The following GTF3C1 variants were observed in gnomAD, a reference collection of about 807,000 sequenced individuals.
GTF3C1 encodes general transcription factor 3C polypeptide 1.
GTF3C1 carries 57 observed loss-of-function variants against 226.7 expected under a neutral mutation model. The observed-to-expected ratio is 0.25, with a 90% CI of 0.20 to 0.31. GTF3C1 has a LOEUF of 0.31. Among genes scored for constraint, GTF3C1 ranks in the 10% least tolerant of loss-of-function variants. The pLI is 1.00. For synonymous variants in GTF3C1, 1,090 were observed against 1,084.8 expected (o/e 1.00, Z -0.09); for missense variants, 2,217 against 2,776.1 (o/e 0.80, Z 4.53).
intron 1 of GTF3C1, among the ~76,000 whole-genome samples, chr16:27,546,486 G>A (rs200506558): frequency 0.039 from 4,323 of 111,104 alleles, 69 homozygotes; most frequent in Non-Finnish European, 0.054. Context: ...TTTTTTTTTT[G>A]AAAAAAAAAA....
At chr16:27,484,422 A>T (rs2088103852) in intron 24 of GTF3C1, 69 bp from the exon 25 acceptor site, 1 of 1,105,926 alleles carries the variant, frequency 9.0e-7, no homozygotes. Context: ...GAATTACCAT[A>T]AAAAAGTGGA....
At chr16:27,496,706 C>A (rs1463425343) in intron 14 of GTF3C1, among the ~76,000 whole-genome samples, 1 of 152,182 alleles carries the variant, frequency 6.6e-6, no homozygotes, top group Non-Finnish European at 1.5e-5. Flanking sequence ...ACCCAGCCAT[C>A]TCAGTTCTTT....
intron 29 of GTF3C1, among the ~76,000 whole-genome samples, chr16:27,475,633 T>C (rs1212519942): frequency 6.6e-6 from 1 of 151,968 alleles, no homozygotes; most frequent in East Asian, 1.9e-4. Context: ...TGTATAAGAG[T>C]AGTAAGACCA....
rs60057704 is a variant in GTF3C1 at position 27,469,198 on chromosome 16, G to C, written c.5074+93C>G. On this transcript the variant is annotated intron_variant, in intron 32 of 36. Coordinates refer to ENST00000356183, the MANE Select transcript of GTF3C1 (RefSeq NM_001520.4). The surrounding 1 kb of genome is among the most constrained non-coding windows in gnomAD (Gnocchi z 4.5). ...TCTGTGGCTGCACGCCTGGCCTGGG[G>C]AGCCTGAAGGTCTAGGTCCCAGGCC... 5.4e-6 allele frequency: 7 copies of C among 1,286,644 alleles called. No homozygotes were observed. In the Admixed American group the frequency reaches 1.9e-4, roughly 35 times the overall value. The allele number at this position is 1,286,644 out of a possible 1,614,324, so 79.7% of individuals were successfully genotyped here.
chr16:27,517,776 C>T (rs1003902722), intron 6 of GTF3C1, among the ~76,000 whole-genome samples: 1 of 152,224 alleles, frequency 6.6e-6, no homozygotes, highest in Admixed American at 6.5e-5. Flanking sequence ...AGTGATTTTA[C>T]TTACTCATCA....
At position 27,488,421 on chromosome 16, in the gene GTF3C1, CAT is replaced by C; in HGVS notation, c.3512-8_3512-7del. 2.5e-6 allele frequency: 4 copies of C among 1,605,522 alleles called. No individual in the cohort carries two copies. Among genetic ancestry groups the C allele is most frequent in the Non-Finnish European group, 3.4e-6 (4 of 1,172,338 alleles). On this transcript the variant is annotated splice_region_variant and splice_polypyrimidine_tract_variant and intron_variant, in intron 22 of 36. Coordinates refer to ENST00000356183, the MANE Select transcript of GTF3C1 (RefSeq NM_001520.4). The stretch of plus-strand genomic sequence containing the variant: ...AATATTCAACCTGCTGTTGCCTAGA[CAT>C]AATCACAGGAGACAACAGTTTCAGG...
At chr16:27,547,992 C>A (rs1224034444) in intron 1 of GTF3C1, among the ~76,000 whole-genome samples, 1 of 152,130 alleles carries the variant, frequency 6.6e-6, no homozygotes, top group Non-Finnish European at 1.5e-5. Context: ...AGTCTGGGTT[C>A]TTCCCTTGCT....
Position 27,547,562 on chromosome 16 carries a change from T to C in GTF3C1, c.222-2039A>G, listed in dbSNP as rs75869775. ...GTGCTCTTCATCCCCACGCCCACCATGGTAAGCCAGACCATGACTAGATTA... is the reference window on the plus strand; with the variant it reads ...GTGCTCTTCATCCCCACGCCCACCACGGTAAGCCAGACCATGACTAGATTA... On this transcript the variant is annotated intron_variant, in intron 1 of 36. Coordinates refer to ENST00000356183, the MANE Select transcript of GTF3C1 (RefSeq NM_001520.4). Among the ~76,000 whole-genome samples, 59 of 152,246 alleles carry C rather than the reference T, an allele frequency of 3.9e-4. 3 individuals are homozygous for C. The East Asian group carries it at 0.01, about 27-fold the overall frequency.
At position 27,470,367 on chromosome 16, in the gene GTF3C1, T is replaced by G; in HGVS notation, c.4555A>C (p.Ile1519Leu). The change falls in exon 31 of 37, where the codon ATC becomes CTC. Residue 1519 changes from isoleucine (I) to leucine (L), a missense_variant. Coordinates refer to ENST00000356183, the MANE Select transcript of GTF3C1 (RefSeq NM_001520.4). This position sits in a 1 kb window ranked among gnomAD's most constrained non-coding sequence, Gnocchi z 4.9. The stretch of plus-strand genomic sequence containing the variant: ...AAAAACTGGAATGACTCCGTGCAGA[T>G]GGTGCTTGGAAATCGCCACGTAAAA... Reference protein sequence around the residue: ...RIFTWRFPSTICTESFQFLDR... With the variant: ...RIFTWRFPSTLCTESFQFLDR... 6.2e-7 allele frequency: 1 copy of G among 1,613,938 alleles called. No homozygotes were observed. Among genetic ancestry groups the G allele is most frequent in the Non-Finnish European group, 8.5e-7 (1 of 1,179,876 alleles).
At chr16:27,537,696 C>G in intron 4 of GTF3C1, 88 bp downstream of exon 4, 1 of 916,230 alleles carries the variant, frequency 1.1e-6, no homozygotes, top group South Asian at 1.6e-5. Context: ...GTATGAGCCA[C>G]TGTACCCAGC....
At chr16:27,508,698 G>T in intron 7 of GTF3C1, 43 bp from the exon 8 acceptor site, 1 of 1,430,688 alleles carries the variant, frequency 7.0e-7, no homozygotes, top group Non-Finnish European at 9.9e-7. Flanking sequence ...CTGCAAAGGA[G>T]CTGTTCTGCA....
At chr16:27,525,141 ACT>A (rs2088810614) in intron 6 of GTF3C1, among the ~76,000 whole-genome samples, 1 of 152,108 alleles carries the variant, frequency 6.6e-6, no homozygotes, top group Non-Finnish European at 1.5e-5. Flanking sequence ...ATAGAGAGAA[ACT>A]CTGTGTCAAA....
rs2087843322 is a variant in GTF3C1, at chr16:27,469,960, C to T, written c.4814+148G>A. The T allele has an allele frequency of 1.4e-6, 1 of 711,872 alleles. No individual in the cohort carries two copies. Among genetic ancestry groups the T allele is most frequent in the Admixed American group, 2.3e-5 (1 of 42,924 alleles). The allele number at this position is 711,872 out of a possible 1,614,324, so 44.1% of individuals were successfully genotyped here. A position where few individuals can be genotyped will look rare whatever the true frequency, so the allele number is the denominator to read the frequency against. ...ACCTGGGAGGCACCAGCAGAGGACA[C>T]CTTAGACACCGGCCTATAATCCCCA... On this transcript the variant is annotated intron_variant, in intron 31 of 36. Transcript: ENST00000356183. This position sits in a 1 kb window ranked among gnomAD's most constrained non-coding sequence, Gnocchi z 4.5.
At position 27,470,277 on chromosome 16, in the gene GTF3C1, T is replaced by G; in HGVS notation, c.4645A>C (p.Asn1549His). Reference protein sequence around the residue: ...PDRFSFKDQDNNEPTNDMVAF... With the variant: ...PDRFSFKDQDHNEPTNDMVAF... ...ACCATGTCGTTTGTGGGCTCGTTATTATCCTGGTCTTTGAAAGAGAAACGA... is the reference window on the plus strand; with the variant it reads ...ACCATGTCGTTTGTGGGCTCGTTATGATCCTGGTCTTTGAAAGAGAAACGA... The change falls in exon 31 of 37, where the codon AAT becomes CAT. Residue 1549 changes from asparagine to histidine, a missense_variant. By Grantham distance (68) the Asn-to-His change is moderately conservative. This residue lies in a region of GTF3C1 where 546 missense variants were observed against 663.0 expected (regional missense o/e 0.82). Coordinates refer to ENST00000356183, the MANE Select transcript of GTF3C1 (RefSeq NM_001520.4). The surrounding 1 kb of genome is among the most constrained non-coding windows in gnomAD (Gnocchi z 4.9). 1 of 1,614,042 alleles carries G rather than the reference T, an allele frequency of 6.2e-7. No individual in the cohort carries two copies. Among genetic ancestry groups the G allele is most frequent in the South Asian group, 1.1e-5 (1 of 91,082 alleles).
At chr16:27,519,570 C>A (rs935073713) in intron 6 of GTF3C1, among the ~76,000 whole-genome samples, 5 of 152,212 alleles carry the variant, frequency 3.3e-5, no homozygotes, top group African/African-American at 4.8e-5. Context: ...ACATGGGAGG[C>A]AGCAGAGTAA....
intron 32 of GTF3C1, chr16:27,465,895 G>C (rs907168102): frequency 3.4e-6 from 1 of 290,432 alleles, no homozygotes; most frequent in Admixed American, 4.5e-5. Context: ...GGGCTGGCCT[G>C]GTCCCATCCC....
intron 29 of GTF3C1, among the ~76,000 whole-genome samples, chr16:27,474,064 G>A (rs1367840311): frequency 1.3e-5 from 2 of 152,218 alleles, no homozygotes; most frequent in Non-Finnish European, 2.9e-5. Context: ...GGCTGTCACA[G>A]GCACAGTGAG....
chr16:27,469,654 GC>G lies in GTF3C1; in HGVS notation c.4815-105del. 7.7e-7 allele frequency: 1 copy of G among 1,294,826 alleles called. No individual in the cohort carries two copies. The highest frequency in any genetic ancestry group is 1.5e-5 in the African/African-American group (1 of 68,308). 80.2% of individuals were successfully genotyped at this position (1,294,826 alleles called of 1,614,324 possible). On this transcript the variant is annotated intron_variant, in intron 31 of 36. Transcript: ENST00000356183. The surrounding 1 kb of genome is among the most constrained non-coding windows in gnomAD (Gnocchi z 4.5). ...CCTCTGTGGCTGGGCTTCAGCAGTG[GC>G]CCCAGCAACTGGCTATGCTTCATTA... is the stretch of plus-strand genomic sequence containing the variant.
At position 27,465,295 on chromosome 16, in the gene GTF3C1, CACCT is replaced by C; in HGVS notation, c.5316_5319del (p.Gly1773ValfsTer31). On this transcript the variant is annotated frameshift_variant, in exon 33 of 37. Transcript: ENST00000356183. LOFTEE classifies it high-confidence loss of function. ...TCTGCGAATGTCCTGGTGCGCCCAC[CACCT>C]GCCTTCTCCAAGGCCGAGAACCGTC... The C allele has an allele frequency of 6.2e-7, 1 of 1,614,196 alleles. No homozygotes were observed. The highest frequency in any genetic ancestry group is 8.5e-7 in the Non-Finnish European group (1 of 1,180,028).
Sources: gnomAD v4.1 joint callset for allele counts (sites outside exome capture counted in the v4.1 genomes callset) on GRCh38, gnomAD v4.1.1 for gene constraint, gnomAD v4.1.1 regional missense constraint, Gnocchi (gnomAD v3.1) non-coding constraint, MANE v1.5 for transcripts, NCBI Gene and HGNC (gene_info 2026-07-23, HGNC 2026-07-21) for gene names.